Variants in ARFGEF3 observed in about 807,000 individuals in gnomAD.
ARFGEF3 encodes brefeldin A-inhibited guanine nucleotide-exchange protein 3.
A neutral mutation model predicts 221.7 loss-of-function variants in ARFGEF3; 96 were observed. The ratio of observed to expected loss-of-function variants is 0.43; its 90% confidence interval spans 0.37 to 0.51. The LOEUF is 0.51. ARFGEF3 is among the 20% of genes least tolerant of loss of function. The pLI, the probability that ARFGEF3 is intolerant of heterozygous loss-of-function variation, is 0.00. For synonymous variants in ARFGEF3, 1,145 were observed against 1,126.8 expected, an observed-to-expected ratio of 1.02 and a Z score of -0.32; for missense variants, 2,410 against 2,789.9, an observed-to-expected ratio of 0.86 and a Z score of 3.07.
rs781636347 is a variant in ARFGEF3, at chr6:138,336,309, G to A, written c.6357G>A (p.Met2119Ile). The A allele has an allele frequency of 8.9e-6, 14 of 1,573,062 alleles. No homozygotes were observed. The highest frequency in any genetic ancestry group is 1.2e-5 in the Non-Finnish European group (14 of 1,159,626). The change falls in exon 34 of 34, where the codon ATG becomes ATA. Residue 2119 changes from methionine (M) to isoleucine (I), a missense_variant. Coordinates refer to ENST00000251691, the MANE Select transcript of ARFGEF3 (RefSeq NM_020340.5). Reference sequence around the variant, plus strand: ...TTTTCTCTTAGGCATGGACCAACATGGTGCTAACAGTTCTCAATCAGATTC... The same window carrying A: ...TTTTCTCTTAGGCATGGACCAACATAGTGCTAACAGTTCTCAATCAGATTC... ...AEAQIQAWTN[M>I]VLTVLNQIQI...
At chr6:138,268,151 T>A (rs1778931654) in intron 12 of ARFGEF3, among the ~76,000 whole-genome samples, 1 of 152,216 alleles carries the variant, frequency 6.6e-6, no homozygotes, top group Non-Finnish European at 1.5e-5. Flanking sequence ...CTTGCCCCCT[T>A]GCAAGTGCCA....
chr6:138,264,080 A>C (rs1005629617), intron 12 of ARFGEF3, among the ~76,000 whole-genome samples: 7 of 152,202 alleles, frequency 4.6e-5, no homozygotes, highest in African/African-American at 1.7e-4. Flanking sequence ...TGAACATTCG[A>C]ACAATGTGTG....
At chr6:138,228,172 ATTTTT>A in intron 4 of ARFGEF3, among the ~76,000 whole-genome samples, 1 of 106,436 alleles carries the variant, frequency 9.4e-6, no homozygotes, top group Admixed American at 1.1e-4. Flanking sequence ...CACTGAGACA[ATTTTT>A]TTTTTTTTTT....
chr6:138,314,309 G>A (rs1483065193), intron 26 of ARFGEF3, among the ~76,000 whole-genome samples: 1 of 152,156 alleles, frequency 6.6e-6, no homozygotes, highest in Non-Finnish European at 1.5e-5. Flanking sequence ...ATCCATTCAT[G>A]AGTACAGAGC....
At position 138,318,427 on chromosome 6, in the gene ARFGEF3, A is replaced by T. The variant is rs560600656; in HGVS notation, c.4474+1048A>T. Among the ~76,000 whole-genome samples the T allele has an allele frequency of 2.6e-5, 4 of 152,342 alleles. No individual in the cohort carries two copies. The South Asian group carries it at 8.3e-4, about 32-fold the overall frequency. ...TGCTGAAACATCTTGAATACCAAAAATTATGAACACCCTAAATGGGAAGCA... is the reference window on the plus strand; with the variant it reads ...TGCTGAAACATCTTGAATACCAAAATTTATGAACACCCTAAATGGGAAGCA... On this transcript the variant is annotated intron_variant, in intron 27 of 33. Coordinates refer to ENST00000251691, the MANE Select transcript of ARFGEF3 (RefSeq NM_020340.5).
intron 6 of ARFGEF3, 91 bp from the exon 7 acceptor site, chr6:138,242,861 C>T: frequency 8.9e-7 from 1 of 1,127,656 alleles, no homozygotes; most frequent in South Asian, 1.3e-5. Flanking sequence ...CCCCGGAAGC[C>T]ATTTTGTTTC....
At chr6:138,261,148 T>G (rs1778783110) in intron 10 of ARFGEF3, among the ~76,000 whole-genome samples, 1 of 152,192 alleles carries the variant, frequency 6.6e-6, no homozygotes, top group South Asian at 2.1e-4. Flanking sequence ...CCACCTAGTT[T>G]ATGAAGCTAG....
chr6:138,188,057 T>G (rs1777224729), intron 2 of ARFGEF3, among the ~76,000 whole-genome samples: 1 of 152,220 alleles, frequency 6.6e-6, no homozygotes, highest in South Asian at 2.1e-4. Context: ...TTTATAATAC[T>G]TGAGTATTTG....
At chr6:138,233,812 G>A (rs1039515445) in intron 5 of ARFGEF3, among the ~76,000 whole-genome samples, 4 of 152,050 alleles carry the variant, frequency 2.6e-5, no homozygotes, top group African/African-American at 7.2e-5. Context: ...TATTTATCTC[G>A]GAAGCACCTT....
chr6:138,272,779 G>T (rs1395046935), intron 12 of ARFGEF3, among the ~76,000 whole-genome samples: 2 of 152,194 alleles, frequency 1.3e-5, no homozygotes, highest in African/African-American at 4.8e-5. Flanking sequence ...GCTGAGAGTG[G>T]GTGTAAGAGT....
At chr6:138,186,902 CTTTTTTTTTTTTTT>C (rs71693484) in intron 2 of ARFGEF3, among the ~76,000 whole-genome samples, 4 of 76,048 alleles carry the variant, frequency 5.3e-5, no homozygotes, top group Middle Eastern at 0.014. Context: ...CATCCTTTTT[CTTTTTTTTTTTTTT>C]TTTTTTTTTT....
intron 8 of ARFGEF3, among the ~76,000 whole-genome samples, chr6:138,250,425 A>G (rs1369676107): frequency 6.6e-6 from 1 of 152,234 alleles, no homozygotes; most frequent in Non-Finnish European, 1.5e-5. Flanking sequence ...CTCCTAGAAC[A>G]GAGAATGTTA....
At chr6:138,304,959 A>G (rs75473834) in intron 22 of ARFGEF3, among the ~76,000 whole-genome samples, 4,396 of 152,216 alleles carry the variant, frequency 0.029, 74 homozygotes, top group Non-Finnish European at 0.044. Flanking sequence ...AAATTTTGCA[A>G]CTAATAGTAT....
intron 4 of ARFGEF3, among the ~76,000 whole-genome samples, chr6:138,210,855 G>T (rs112836949): frequency 6.6e-6 from 1 of 152,124 alleles, no homozygotes; most frequent in Non-Finnish European, 1.5e-5. Flanking sequence ...TTTTGTCTTG[G>T]ATAAGAGACT....
rs752827192 is a variant in ARFGEF3 at position 138,334,701 on chromosome 6, C to G, written c.5855C>G (p.Thr1952Ser). 1 of 1,610,702 alleles carries G rather than the reference C, an allele frequency of 6.2e-7. No homozygotes were observed. Residue 1952 changes from threonine (T) to serine (S), a missense_variant, in exon 33 of 34, where the codon ACC (threonine) becomes AGC (serine). Thr to Ser is a moderately conservative substitution (Grantham distance 58, BLOSUM62 1). Coordinates refer to ENST00000251691, the MANE Select transcript of ARFGEF3 (RefSeq NM_020340.5). The surrounding 1 kb of genome is among the most constrained non-coding windows in gnomAD (Gnocchi z 5.1). ...CAGTCCGAGTCATCCACCCCATCCACCGGGGGCTTCTCTGGGAAAGAAACC... is the reference window on the plus strand; with the variant it reads ...CAGTCCGAGTCATCCACCCCATCCAGCGGGGGCTTCTCTGGGAAAGAAACC... ...SFQSESSTPS[T>S]GGFSGKETPS...
chr6:138,229,922 T>A, intron 5 of ARFGEF3, 70 bp downstream of exon 5: 1 of 1,281,548 alleles, frequency 7.8e-7, no homozygotes, highest in East Asian at 2.3e-5. Flanking sequence ...AATATTGGGG[T>A]GGAACTAAGC....
chr6:138,206,159 AT>A (rs996653996), intron 2 of ARFGEF3, among the ~76,000 whole-genome samples: 17 of 152,186 alleles, frequency 1.1e-4, no homozygotes, highest in African/African-American at 2.9e-4. Flanking sequence ...GTCACATTTT[AT>A]TTTTGTGCCA....
At chr6:138,220,565 T>A (rs1024274565) in intron 4 of ARFGEF3, among the ~76,000 whole-genome samples, 1 of 152,242 alleles carries the variant, frequency 6.6e-6, no homozygotes, top group African/African-American at 2.4e-5. Context: ...GCATCCTGCA[T>A]TCTACTGAAA....
At chr6:138,165,706 C>T (rs1268588070) in intron 1 of ARFGEF3, among the ~76,000 whole-genome samples, 1 of 152,006 alleles carries the variant, frequency 6.6e-6, no homozygotes, top group Non-Finnish European at 1.5e-5. Flanking sequence ...GAGGGTCACT[C>T]CCCACTGAGA....
Sources: gnomAD v4.1 joint callset for allele counts (sites outside exome capture counted in the v4.1 genomes callset) on GRCh38, gnomAD v4.1.1 for gene constraint, Gnocchi (gnomAD v3.1) non-coding constraint, MANE v1.5 for transcripts, NCBI Gene and HGNC (gene_info 2026-07-23, HGNC 2026-07-21) for gene names.